Variants in LRMDA observed in about 807,000 individuals in gnomAD.
LRMDA encodes leucine-rich melanocyte differentiation-associated protein.
In LRMDA, 18 loss-of-function variants were observed where a neutral mutation model predicts 29.8. The ratio of observed to expected loss-of-function variants is 0.60; its 90% CI spans 0.42 to 0.90. The LOEUF (loss-of-function observed/expected upper bound fraction) is 0.90. Among genes scored for constraint, LRMDA ranks in the 40% least tolerant of loss-of-function variants. The pLI, the probability that LRMDA is intolerant of heterozygous loss-of-function variation, is 0.00. For missense variants in LRMDA, 273 were observed against 273.9 expected (o/e 1.00, Z 0.02); for synonymous variants, 125 against 109.4 (o/e 1.14, Z -0.89).
intron 6 of LRMDA, among the ~76,000 whole-genome samples, chr10:76,378,858 C>CTTTT (rs144037195): frequency 1.4e-4 from 17 of 118,964 alleles, no homozygotes; most frequent in Non-Finnish European, 2.4e-4. Context: ...CTTTTTTTTT[C>CTTTT]TTTTTTTTTT....
At chr10:76,228,426 G>A (rs1483286143) in intron 5 of LRMDA, among the ~76,000 whole-genome samples, 3 of 152,154 alleles carry the variant, frequency 2.0e-5, no homozygotes, top group Admixed American at 2.0e-4. Context: ...ACCAGGCCAG[G>A]CATGCCATGT....
At chr10:76,389,178 C>T (rs1036406848) in intron 6 of LRMDA, among the ~76,000 whole-genome samples, 1 of 152,126 alleles carries the variant, frequency 6.6e-6, no homozygotes, top group Admixed American at 6.5e-5. Flanking sequence ...TGGGAAAATG[C>T]CTCATGAAGG....
intron 2 of LRMDA, among the ~76,000 whole-genome samples, chr10:75,872,250 G>A (rs191250219): frequency 1.3e-5 from 2 of 151,574 alleles, no homozygotes; most frequent in Admixed American, 6.6e-5. Flanking sequence ...ATCTCATTAT[G>A]TTTCCAGACA....
chr10:76,066,305 T>A (rs1848784615), intron 5 of LRMDA, among the ~76,000 whole-genome samples: 1 of 152,210 alleles, frequency 6.6e-6, no homozygotes, highest in East Asian at 1.9e-4. Context: ...CCCTGATATG[T>A]GAGTTAGAAG....
intron 6 of LRMDA, among the ~76,000 whole-genome samples, chr10:76,399,063 T>C (rs996450548): frequency 6.6e-6 from 1 of 152,224 alleles, no homozygotes; most frequent in African/African-American, 2.4e-5. Context: ...AAAGTGATCA[T>C]CACTAATTCT....
At chr10:75,720,605 T>A (rs141652642) in intron 2 of LRMDA, among the ~76,000 whole-genome samples, 3 of 152,326 alleles carry the variant, frequency 2.0e-5, no homozygotes, top group Non-Finnish European at 4.4e-5. Flanking sequence ...AATTCAGAGT[T>A]GTGAACATCA....
intron 5 of LRMDA, among the ~76,000 whole-genome samples, chr10:76,212,270 A>ACACACACAC (rs1564687628): frequency 8.1e-6 from 1 of 123,240 alleles, no homozygotes; most frequent in African/African-American, 3.1e-5. Flanking sequence ...CACACACATA[A>ACACACACAC]AAAAAAAAAA....
chr10:75,692,247 T>TAC lies in LRMDA; in HGVS notation c.131+253755_131+253756dup, dbSNP rs1310183102. The stretch of plus-strand genomic sequence containing the variant: ...ATATATATATATATATATATATATA[T>TAC]ACATATATATATTTTATATAAATAT... On this transcript the variant is annotated intron_variant, in intron 2 of 6. Coordinates refer to ENST00000611255, the MANE Select transcript of LRMDA (RefSeq NM_001305581.2). Among the ~76,000 whole-genome samples the TAC allele has an allele frequency of 2.4e-3, 313 of 131,656 alleles. 3 individuals are homozygous for TAC. The highest frequency in any genetic ancestry group is 8.9e-3 in the African/African-American group (304 of 34,288). 86.4% of individuals were successfully genotyped at this position (131,656 alleles called of 152,430 possible). A position where few individuals can be genotyped will look rare whatever the true frequency, so the allele number is the denominator to read the frequency against.
chr10:75,919,018 G>A (rs1374824796), intron 2 of LRMDA, among the ~76,000 whole-genome samples: 2 of 152,212 alleles, frequency 1.3e-5, no homozygotes, highest in South Asian at 2.1e-4. Context: ...GCGTGATTTT[G>A]TGGGCTTTAC....
chr10:76,413,470 TC>T (rs1163595546), intron 6 of LRMDA, among the ~76,000 whole-genome samples: 1 of 151,992 alleles, frequency 6.6e-6, no homozygotes, highest in African/African-American at 2.4e-5. Flanking sequence ...AAAGGGGTAA[TC>T]CCTTACAAAA....
intron 5 of LRMDA, among the ~76,000 whole-genome samples, chr10:76,188,292 T>A (rs1851183423): frequency 6.6e-6 from 1 of 152,250 alleles, no homozygotes; most frequent in Non-Finnish European, 1.5e-5. Context: ...GAAAATTTAT[T>A]CACTGTGCGT....
intron 2 of LRMDA, chr10:75,450,176 C>G (rs993020436): frequency 6.6e-6 from 1 of 152,200 alleles, no homozygotes; most frequent in Non-Finnish European, 1.5e-5. Flanking sequence ...TTTCTCTTCC[C>G]TTTCACACCC....
chr10:75,825,179 G>A (rs1052973685), intron 2 of LRMDA, among the ~76,000 whole-genome samples: 1 of 152,210 alleles, frequency 6.6e-6, no homozygotes, highest in Non-Finnish European at 1.5e-5. Flanking sequence ...GGCCACTGGA[G>A]GGTAATCAGA....
chr10:76,242,026 A>G (rs1852286572), intron 5 of LRMDA: 1 of 152,052 alleles, frequency 6.6e-6, no homozygotes, highest in East Asian at 1.9e-4. Flanking sequence ...TTTTTAAGAG[A>G]CAGAGTATTG....
intron 5 of LRMDA, among the ~76,000 whole-genome samples, chr10:76,093,496 T>A (rs895010236): frequency 6.6e-6 from 1 of 152,176 alleles, no homozygotes; most frequent in Non-Finnish European, 1.5e-5. Context: ...GAAGTTTCAT[T>A]GATCCTTTAA....
At chr10:75,978,643 C>T (rs758969727) in intron 2 of LRMDA, among the ~76,000 whole-genome samples, 4 of 152,142 alleles carry the variant, frequency 2.6e-5, no homozygotes, top group Non-Finnish European at 5.9e-5. Context: ...CAGTATTGTC[C>T]TGTGGTTTTG....
At chr10:76,252,973 C>T (rs1852512695) in intron 5 of LRMDA, among the ~76,000 whole-genome samples, 1 of 152,138 alleles carries the variant, frequency 6.6e-6, no homozygotes, top group African/African-American at 2.4e-5. Flanking sequence ...CGCATCCCAC[C>T]CAGGACATGC....
intron 3 of LRMDA, among the ~76,000 whole-genome samples, chr10:76,041,914 A>G (rs1176153086): frequency 6.6e-6 from 1 of 152,164 alleles, no homozygotes; most frequent in Non-Finnish European, 1.5e-5. Flanking sequence ...ACACATTTTT[A>G]AAAAAGGTAC....
chr10:75,756,488 G>C (rs1306822364), intron 2 of LRMDA, among the ~76,000 whole-genome samples: 1 of 152,166 alleles, frequency 6.6e-6, no homozygotes, highest in Non-Finnish European at 1.5e-5. Flanking sequence ...CCTGCCTTTA[G>C]ACTTCTTTTA....
Sources: allele counts gnomAD v4.1 joint callset (sites outside exome capture counted in the v4.1 genomes callset), GRCh38; gene constraint gnomAD v4.1.1; transcripts MANE v1.5; gene names NCBI Gene and HGNC (gene_info 2026-07-23, HGNC 2026-07-21).